The following SPOCK3 variants were observed in gnomAD, a reference collection of about 807,000 sequenced individuals.
The protein encoded by SPOCK3 is SPARC (osteonectin), cwcv and kazal like domains proteoglycan 3.
A neutral mutation model predicts 56.6 loss-of-function variants in SPOCK3; 30 were observed. The ratio of observed to expected loss-of-function variants is 0.53; its 90% confidence interval spans 0.40 to 0.72. The LOEUF (loss-of-function observed/expected upper bound fraction) is 0.72, where lower values mean the gene tolerates loss of function less well. Ranked by LOEUF, SPOCK3 falls within the 30% of genes least tolerant of loss-of-function variation. The pLI is 0.00. For synonymous variants in SPOCK3, 196 were observed against 183.3 expected (o/e 1.07, Z -0.56); for missense variants, 527 against 530.0 (o/e 0.99, Z 0.06).
At chr4:167,179,932 A>G (rs958769967) in intron 2 of SPOCK3, among the ~76,000 whole-genome samples, 5 of 152,192 alleles carry the variant, frequency 3.3e-5, no homozygotes, top group Admixed American at 3.3e-4. Flanking sequence ...ACAGAATGGC[A>G]AATATGCCAG....
chr4:166,899,212 C>T (rs763684036), intron 5 of SPOCK3, among the ~76,000 whole-genome samples: 20 of 151,730 alleles, frequency 1.3e-4, no homozygotes, highest in Non-Finnish European at 2.4e-4. Context: ...TCCATTACCA[C>T]GTGACTCAAT....
chr4:167,186,344 T>A (rs1391611912), intron 2 of SPOCK3, among the ~76,000 whole-genome samples: 1 of 152,160 alleles, frequency 6.6e-6, no homozygotes, highest in African/African-American at 2.4e-5. Flanking sequence ...AACAAATCTC[T>A]AGGCCGGGCG....
At chr4:167,028,931 A>G (rs1225014369) in intron 3 of SPOCK3, among the ~76,000 whole-genome samples, 1 of 152,088 alleles carries the variant, frequency 6.6e-6, no homozygotes, top group East Asian at 1.9e-4. Flanking sequence ...TTCAATGCTT[A>G]TTTTAAGTTC....
At chr4:166,769,525 C>G (rs1738634587) in intron 7 of SPOCK3, among the ~76,000 whole-genome samples, 1 of 152,130 alleles carries the variant, frequency 6.6e-6, no homozygotes, top group African/African-American at 2.4e-5. Context: ...AGCAAATGTT[C>G]CTGCCTGATC....
chr4:167,170,079 A>G (rs899513649), intron 2 of SPOCK3, among the ~76,000 whole-genome samples: 3 of 152,142 alleles, frequency 2.0e-5, no homozygotes, highest in Admixed American at 2.0e-4. Context: ...AGCAGCTGAG[A>G]ATGGACTAAT....
At chr4:167,135,238 T>C (rs1261577760) in intron 2 of SPOCK3, among the ~76,000 whole-genome samples, 2 of 151,966 alleles carry the variant, frequency 1.3e-5, no homozygotes, top group Non-Finnish European at 2.9e-5. Context: ...AGTCTGAAAA[T>C]GCATACATAG....
At chr4:166,763,335 C>T (rs963876905) in intron 7 of SPOCK3, among the ~76,000 whole-genome samples, 1 of 151,800 alleles carries the variant, frequency 6.6e-6, no homozygotes, top group Admixed American at 6.6e-5. Flanking sequence ...AAAAGAAAGA[C>T]CTTCTAAAAA....
chr4:166,738,071 T>A (rs1734401445), intron 9 of SPOCK3, among the ~76,000 whole-genome samples: 1 of 152,202 alleles, frequency 6.6e-6, no homozygotes, highest in Non-Finnish European at 1.5e-5. Context: ...AAGCTATGTG[T>A]TTTTCCCAAA....
At chr4:166,737,050 G>T (rs1357621118) in intron 10 of SPOCK3, among the ~76,000 whole-genome samples, 3 of 151,964 alleles carry the variant, frequency 2.0e-5, no homozygotes, top group Admixed American at 1.3e-4. Context: ...GTATTTCTTT[G>T]GCTGGTGAAC....
At chr4:166,847,610 G>T (rs1248365427) in intron 6 of SPOCK3, among the ~76,000 whole-genome samples, 1 of 123,762 alleles carries the variant, frequency 8.1e-6, no homozygotes, top group African/African-American at 2.9e-5. Context: ...GCATTTTTGG[G>T]TAAAATTAAG....
chr4:166,993,394 A>T (rs1187659238), intron 4 of SPOCK3, among the ~76,000 whole-genome samples: 1 of 152,170 alleles, frequency 6.6e-6, no homozygotes, highest in African/African-American at 2.4e-5. Flanking sequence ...GACATAGGCA[A>T]TGCTAAAGGA....
chr4:166,773,647 G>A (rs1009720349), intron 7 of SPOCK3, among the ~76,000 whole-genome samples: 2 of 151,992 alleles, frequency 1.3e-5, no homozygotes, highest in East Asian at 1.9e-4. Flanking sequence ...TATTCTCAGT[G>A]TTCACTTCTC....
At chr4:166,809,062 C>T (rs2126717455) in intron 6 of SPOCK3, among the ~76,000 whole-genome samples, 1 of 152,098 alleles carries the variant, frequency 6.6e-6, no homozygotes, top group African/African-American at 2.4e-5. Flanking sequence ...AATTAAAGTA[C>T]AGTTAGATCA....
chr4:167,064,812 T>C (rs183332604), intron 2 of SPOCK3, among the ~76,000 whole-genome samples: 2 of 151,752 alleles, frequency 1.3e-5, no homozygotes, highest in Admixed American at 6.6e-5. Flanking sequence ...GGGGGAGATA[T>C]TGGGATTAGT....
chr4:167,204,412 T>C (rs1733826809), intron 2 of SPOCK3, among the ~76,000 whole-genome samples: 1 of 152,088 alleles, frequency 6.6e-6, no homozygotes, highest in Non-Finnish European at 1.5e-5. Context: ...TCAGGAAACT[T>C]ACAAGCATGG....
chr4:166,824,003 G>T (rs1745197735), intron 6 of SPOCK3, among the ~76,000 whole-genome samples: 1 of 151,984 alleles, frequency 6.6e-6, no homozygotes, highest in African/African-American at 2.4e-5. Flanking sequence ...CTAAGCTGCT[G>T]CTTCCAGGGA....
chr4:167,081,457 C>T (rs7683288), intron 2 of SPOCK3, among the ~76,000 whole-genome samples: 138,871 of 152,102 alleles, frequency 0.91, 63,547 homozygotes, highest in East Asian at 0.98. Context: ...CATTCATATA[C>T]TCACTCACTC....
intron 3 of SPOCK3, among the ~76,000 whole-genome samples, chr4:167,059,733 G>C (rs911160797): frequency 2.0e-5 from 3 of 152,080 alleles, no homozygotes; most frequent in East Asian, 1.9e-4. Context: ...TTCACAATAT[G>C]AAAGACTTGG....
intron 6 of SPOCK3, among the ~76,000 whole-genome samples, chr4:166,871,660 T>G (rs1297700403): frequency 6.6e-6 from 1 of 151,918 alleles, no homozygotes; most frequent in Non-Finnish European, 1.5e-5. Flanking sequence ...GCACAAAATC[T>G]TCCAGAAATT....
Sources: gnomAD v4.1 joint callset for allele counts (sites outside exome capture counted in the v4.1 genomes callset) on GRCh38, gnomAD v4.1.1 for gene constraint, MANE v1.5 for transcripts, NCBI Gene and HGNC (gene_info 2026-07-23, HGNC 2026-07-21) for gene names.